The following UTRN variants were observed in gnomAD, a reference collection of about 807,000 sequenced individuals.
UTRN encodes the protein utrophin.
Under a neutral mutation model 463.9 loss-of-function variants are expected in UTRN, and 283 were observed. That is an observed-to-expected ratio of 0.61 (90% CI 0.55 to 0.67). The LOEUF is 0.67. UTRN is among the 30% of genes least tolerant of loss of function. The pLI, the probability that UTRN is intolerant of heterozygous loss-of-function variation, is 0.00. For synonymous variants in UTRN, 1,442 were observed against 1,431.5 expected, an observed-to-expected ratio of 1.01 and a Z score of -0.17; for missense variants, 3,922 against 4,084.3, an observed-to-expected ratio of 0.96 and a Z score of 1.08.
At position 144,596,173 on chromosome 6, in the gene UTRN, A is replaced by G. The variant is rs78199482; in HGVS notation, c.7479+18885A>G. 3.6e-3 allele frequency among the ~76,000 whole-genome samples: 552 copies of G among 152,306 alleles called. 1 individual carries two copies. Among genetic ancestry groups the G allele is most frequent in the African/African-American group, 0.013 (535 of 41,566 alleles). The stretch of plus-strand genomic sequence containing the variant: ...CAGTACCTCATTAGACAACTTAATA[A>G]TTCAATAGTTTACTTATGCCAAATG... On this transcript the variant is annotated intron_variant, in intron 51 of 74. Transcript: ENST00000367545.
intron 53 of UTRN, chr6:144,708,425 T>G (rs1333796749): frequency 3.1e-6 from 2 of 639,516 alleles, no homozygotes; most frequent in East Asian, 7.3e-5. Flanking sequence ...TATTTTCCTT[T>G]CTTCTCTAGA....
In UTRN at chr6:144,789,915, C is replaced by CATA. The variant is rs1297947698; in HGVS notation, c.8920+636_8920+637insATA. 2.0e-5 allele frequency among the ~76,000 whole-genome samples: 3 copies of CATA among 152,196 alleles called. No individual in the cohort carries two copies. In the East Asian group the frequency reaches 5.8e-4, roughly 29 times the overall value. ...AAAGGTATATTGGCTTTGGAAAAGA[C>CATA]TTGTGTTCAGGAGCCAAGGAGACCT... On this transcript the variant is annotated intron_variant, in intron 62 of 74. Transcript: ENST00000367545.
At chr6:144,646,674 A>G (rs938573383) in intron 51 of UTRN, among the ~76,000 whole-genome samples, 1 of 152,192 alleles carries the variant, frequency 6.6e-6, no homozygotes, top group Non-Finnish European at 1.5e-5. Context: ...CCTCTCACAC[A>G]TAAAAATTCA....
At chr6:144,426,264 C>G (rs761280918) in intron 6 of UTRN, 23 bp from the exon 7 acceptor site, 1 of 1,600,302 alleles carries the variant, frequency 6.2e-7, no homozygotes, top group East Asian at 2.3e-5. Flanking sequence ...TAGTTATGGA[C>G]AGGCCTGGTT....
intron 16 of UTRN, 111 bp from the exon 17 acceptor site, chr6:144,448,489 G>A: frequency 1.7e-6 from 2 of 1,210,260 alleles, no homozygotes; most frequent in Non-Finnish European, 2.3e-6. Context: ...CTGTATAAAT[G>A]TGCTAATAAC....
intron 51 of UTRN, among the ~76,000 whole-genome samples, chr6:144,619,392 A>G (rs910315798): frequency 6.6e-6 from 1 of 152,168 alleles, no homozygotes; most frequent in African/African-American, 2.4e-5. Context: ...CTGCCTATCA[A>G]TTTGGTCAGT....
intron 1 of UTRN, among the ~76,000 whole-genome samples, chr6:144,287,670 CT>C (rs1562704645): frequency 1.3e-5 from 2 of 152,158 alleles, no homozygotes; most frequent in African/African-American, 4.8e-5. Context: ...AGGCTGTCAC[CT>C]TATGTTTATT....
chr6:144,699,008 T>C (rs759117331), intron 52 of UTRN, among the ~76,000 whole-genome samples: 14 of 152,204 alleles, frequency 9.2e-5, no homozygotes, highest in Non-Finnish European at 1.6e-4. Context: ...TTAAGCCAAA[T>C]AGTATCCTGT....
chr6:144,530,151 G>A (rs1440506078), intron 41 of UTRN, among the ~76,000 whole-genome samples: 1 of 152,180 alleles, frequency 6.6e-6, no homozygotes, highest in African/African-American at 2.4e-5. Context: ...CATAGACTGG[G>A]TAGCTTAAAC....
chr6:144,793,511 C>T (rs1776942145), intron 62 of UTRN, among the ~76,000 whole-genome samples: 1 of 152,006 alleles, frequency 6.6e-6, no homozygotes, highest in South Asian at 2.1e-4. Context: ...AATTCATATG[C>T]ATTTATTGTA....
chr6:144,744,140 A>G (rs76421636), intron 54 of UTRN, among the ~76,000 whole-genome samples: 1 of 147,558 alleles, frequency 6.8e-6, no homozygotes, highest in Admixed American at 6.8e-5. Context: ...AAAAAAAAAA[A>G]TTAGCTGGCC....
chr6:144,379,886 A>G (rs910840006), intron 2 of UTRN, among the ~76,000 whole-genome samples: 7 of 152,232 alleles, frequency 4.6e-5, no homozygotes, highest in African/African-American at 1.4e-4. Context: ...CCTTTAGGAA[A>G]TCTAACTTGT....
In UTRN at chr6:144,666,954, T is replaced by TG. The variant is rs1362677530; in HGVS notation, c.7480-11451dup. 1.1e-4 allele frequency among the ~76,000 whole-genome samples: 16 copies of TG among 152,316 alleles called. No individual in the cohort carries two copies. In the South Asian group the frequency reaches 1.2e-3, roughly 12 times the overall value. The stretch of plus-strand genomic sequence containing the variant: ...TCTTGGAACCCAAATGTCCTGATGT[T>TG]GCGTATGCTCTTGTGAAACTTAGAA... On this transcript the variant is annotated intron_variant, in intron 51 of 74. Coordinates refer to ENST00000367545, the MANE Select transcript of UTRN (RefSeq NM_007124.3).
chr6:144,813,282 G>A (rs535262360), intron 65 of UTRN, among the ~76,000 whole-genome samples: 9 of 151,980 alleles, frequency 5.9e-5, no homozygotes, highest in African/African-American at 1.9e-4. Context: ...TCTGCCTCCC[G>A]GGTTCAAGTG....
At chr6:144,672,631 T>TA (rs1781170255) in intron 51 of UTRN, among the ~76,000 whole-genome samples, 1 of 152,048 alleles carries the variant, frequency 6.6e-6, no homozygotes, top group Non-Finnish European at 1.5e-5. Context: ...TTGTTTCACT[T>TA]ACTTTTTGTG....
At chr6:144,792,742 C>A (rs1776870751) in intron 62 of UTRN, among the ~76,000 whole-genome samples, 1 of 152,062 alleles carries the variant, frequency 6.6e-6, no homozygotes, top group South Asian at 2.1e-4. Flanking sequence ...GTATTAATTT[C>A]TATAATGAAG....
At chr6:144,696,055 A>G (rs918568564) in intron 52 of UTRN, among the ~76,000 whole-genome samples, 1 of 152,212 alleles carries the variant, frequency 6.6e-6, no homozygotes, top group Admixed American at 6.5e-5. Context: ...GTCTATTAAA[A>G]ATTCAGGGCA....
Position 144,622,096 on chromosome 6 carries a change from T to TTATACA in UTRN, c.7479+44812_7479+44817dup, listed in dbSNP as rs565817224. 6.3e-4 allele frequency among the ~76,000 whole-genome samples: 96 copies of TTATACA among 152,162 alleles called. 2 individuals carry two copies. Among genetic ancestry groups the TTATACA allele is most frequent in the Admixed American group, 3.3e-3 (50 of 15,284 alleles). On this transcript the variant is annotated intron_variant, in intron 51 of 74. Coordinates refer to ENST00000367545, the MANE Select transcript of UTRN (RefSeq NM_007124.3). The stretch of plus-strand genomic sequence containing the variant: ...TAAACAGTTGAATATTTTCTATTAT[T>TTATACA]TATACATATGTGTAATATTACTCTT...
intron 10 of UTRN, among the ~76,000 whole-genome samples, chr6:144,437,209 C>G (rs941896652): frequency 6.6e-6 from 1 of 152,056 alleles, no homozygotes; most frequent in Admixed American, 6.5e-5. Flanking sequence ...CTGCCTCAGC[C>G]TCCCAAAATG....
Sources: gnomAD v4.1 joint callset for allele counts (sites outside exome capture counted in the v4.1 genomes callset) on GRCh38, gnomAD v4.1.1 for gene constraint, MANE v1.5 for transcripts, NCBI Gene and HGNC (gene_info 2026-07-23, HGNC 2026-07-21) for gene names.